Variants in TMEM17 observed in about 807,000 individuals in gnomAD.
TMEM17 encodes transmembrane protein 17.
In TMEM17, 15 loss-of-function variants were observed where a neutral mutation model predicts 19.1. That is an observed-to-expected ratio of 0.78 (90% CI 0.52 to 1.21). TMEM17 has a LOEUF of 1.21. Among genes scored for constraint, TMEM17 ranks in the 50% most tolerant of loss-of-function variants. The pLI is 0.00. For synonymous variants in TMEM17, 103 were observed against 86.9 expected, an observed-to-expected ratio of 1.19 and a Z score of -1.03; for missense variants, 245 against 242.3, an observed-to-expected ratio of 1.01 and a Z score of -0.07.
intron 1 of TMEM17, among the ~76,000 whole-genome samples, chr2:62,505,673 C>T (rs1172426894): frequency 6.6e-6 from 1 of 152,192 alleles, no homozygotes; most frequent in Non-Finnish European, 1.5e-5. Context: ...GCTCTCGCGG[C>T]GCGCGGGGGA....
the TMEM17 span, among the ~76,000 whole-genome samples, chr2:62,492,000 G>A: frequency 4.6e-5 from 7 of 151,114 alleles, no homozygotes; most frequent in Non-Finnish European, 1.0e-4. Context: ...ATAGGTAAAC[G>A]TATTATTAGA....
the TMEM17 span, among the ~76,000 whole-genome samples, chr2:62,476,560 T>C: frequency 3.9e-5 from 6 of 152,162 alleles, no homozygotes; most frequent in East Asian, 3.9e-4. Context: ...GATAAACCCA[T>C]TGTAAAGTTG....
At chr2:62,462,266 C>T in the TMEM17 span, among the ~76,000 whole-genome samples, 1 of 152,200 alleles carries the variant, frequency 6.6e-6, no homozygotes, top group Non-Finnish European at 1.5e-5. Context: ...CCCTCCACTC[C>T]CTGCATCAAA....
intron 3 of TMEM17, 110 bp downstream of exon 3, chr2:62,502,327 G>C (rs960428059): frequency 2.2e-4 from 141 of 628,806 alleles, no homozygotes; most frequent in Middle Eastern, 5.2e-4. Context: ...CTGGAGTCAG[G>C]CTTTAAATTC....
At chr2:62,493,920 T>C in the TMEM17 span, among the ~76,000 whole-genome samples, 1 of 152,210 alleles carries the variant, frequency 6.6e-6, no homozygotes, top group Admixed American at 6.5e-5. Context: ...ACAAAACTAC[T>C]TTTGGTTCTG....
the TMEM17 span, among the ~76,000 whole-genome samples, chr2:62,457,123 C>T: frequency 3.3e-5 from 5 of 152,244 alleles, no homozygotes. The surrounding 1 kb of genome is among the most constrained non-coding windows in gnomAD (Gnocchi z 4.2). Flanking sequence ...CAGCAGGGGC[C>T]AGCATCCCCC....
At chr2:62,465,736 A>G in the TMEM17 span, among the ~76,000 whole-genome samples, 1 of 152,232 alleles carries the variant, frequency 6.6e-6, no homozygotes, top group Middle Eastern at 3.4e-3. Flanking sequence ...ACCCTCTATT[A>G]TTTTTGTTAT....
At chr2:62,497,014 G>T (rs532406212), downstream of TMEM17, among the ~76,000 whole-genome samples, 2 of 152,220 alleles carry the variant, frequency 1.3e-5, no homozygotes, top group South Asian at 4.1e-4. Context: ...TAAGAAAGGC[G>T]GTGAGTATTT....
At chr2:62,469,004 C>T in the TMEM17 span, among the ~76,000 whole-genome samples, 1 of 152,238 alleles carries the variant, frequency 6.6e-6, no homozygotes, top group Non-Finnish European at 1.5e-5. Flanking sequence ...CAGCCACCCA[C>T]CTCTTTTACC....
downstream of TMEM17, among the ~76,000 whole-genome samples, chr2:62,498,728 A>AT (rs1368755456): frequency 2.1e-5 from 3 of 143,796 alleles, no homozygotes; most frequent in African/African-American, 7.8e-5. Flanking sequence ...AAATAAAATA[A>AT]AATAAAATAA....
the TMEM17 span, among the ~76,000 whole-genome samples, chr2:62,468,567 G>A: frequency 6.6e-6 from 1 of 152,200 alleles, no homozygotes. Flanking sequence ...GTGTGTATGT[G>A]GGTGCATGTG....
At chr2:62,457,208 G>A in the TMEM17 span, among the ~76,000 whole-genome samples, 1 of 152,362 alleles carries the variant, frequency 6.6e-6, no homozygotes, top group East Asian at 1.9e-4. The surrounding 1 kb of genome is among the most constrained non-coding windows in gnomAD (Gnocchi z 4.2). Context: ...CAAGCCCCCT[G>A]CCGTGCGGGC....
intron 1 of TMEM17, among the ~76,000 whole-genome samples, chr2:62,505,415 G>C (rs1164083785): frequency 6.6e-6 from 1 of 152,220 alleles, no homozygotes; most frequent in Non-Finnish European, 1.5e-5. Context: ...CGCCCGGCTA[G>C]TATGGCACAT....
At position 62,506,177 on chromosome 2, in the gene TMEM17, G is replaced by C; in HGVS notation, c.-48C>G. The C allele has an allele frequency of 1.3e-6, 2 of 1,515,234 alleles. No individual in the cohort carries two copies. Among genetic ancestry groups the C allele is most frequent in the South Asian group, 1.2e-5 (1 of 81,122 alleles). 93.9% of individuals were successfully genotyped at this position (1,515,234 alleles called of 1,614,324 possible). On this transcript the variant is annotated 5_prime_UTR_variant, in exon 1 of 4. Transcript: ENST00000335390. ...CCCCCTCAGACACGGGCTAGTCTGC[G>C]GGCGCTCCGAGGCTCCGTGGTTCCC...
chr2:62,506,181 G>A lies in TMEM17; in HGVS notation c.-52C>T, dbSNP rs763828161. ...CTCAGACACGGGCTAGTCTGCGGGCGCTCCGAGGCTCCGTGGTTCCCACGG... is the reference window on the plus strand; with the variant it reads ...CTCAGACACGGGCTAGTCTGCGGGCACTCCGAGGCTCCGTGGTTCCCACGG... On this transcript the variant is annotated 5_prime_UTR_variant, in exon 1 of 4. Transcript: ENST00000335390. The A allele has an allele frequency of 1.3e-5, 19 of 1,480,658 alleles. No homozygotes were observed. Among genetic ancestry groups the A allele is most frequent in the Admixed American group, 4.6e-5 (2 of 43,170 alleles). 91.7% of individuals were successfully genotyped at this position (1,480,658 alleles called of 1,614,324 possible). A position where few individuals can be genotyped will look rare whatever the true frequency, so the allele number is the denominator to read the frequency against.
the TMEM17 span, among the ~76,000 whole-genome samples, chr2:62,468,063 C>T: frequency 6.6e-6 from 1 of 152,052 alleles, no homozygotes; most frequent in Non-Finnish European, 1.5e-5. Context: ...ATAACAGTAG[C>T]CCCAGAGTTT....
chr2:62,487,616 C>G, the TMEM17 span, among the ~76,000 whole-genome samples: 2 of 152,214 alleles, frequency 1.3e-5, no homozygotes, highest in East Asian at 3.9e-4. Flanking sequence ...GGGATTATCC[C>G]CTTTAATGGA....
At chr2:62,469,332 G>A in the TMEM17 span, among the ~76,000 whole-genome samples, 12,599 of 152,232 alleles carry the variant, frequency 0.083, 931 homozygotes, top group African/African-American at 0.2. Context: ...ACCTGACCCC[G>A]TCACATGTGT....
chr2:62,502,334 A>G (rs946932208), intron 3 of TMEM17, 103 bp downstream of exon 3: 1 of 684,898 alleles, frequency 1.5e-6, no homozygotes, highest in Non-Finnish European at 2.4e-6. Context: ...CAGGCTTTAA[A>G]TTCAGGCCTG....
Sources: gnomAD v4.1 joint callset for allele counts (sites outside exome capture counted in the v4.1 genomes callset) on GRCh38, gnomAD v4.1.1 for gene constraint, Gnocchi (gnomAD v3.1) non-coding constraint, MANE v1.5 for transcripts, NCBI Gene and HGNC (gene_info 2026-07-23, HGNC 2026-07-21) for gene names.